The following FBXO3 variants were observed in gnomAD, a reference collection of about 807,000 sequenced individuals.
FBXO3 encodes the protein F-box only protein 3.
Under a neutral mutation model 64.8 loss-of-function variants are expected in FBXO3, and 17 were observed. That is an observed-to-expected ratio of 0.26 (90% CI 0.18 to 0.39). The LOEUF (loss-of-function observed/expected upper bound fraction) is 0.39, where lower values mean the gene tolerates loss of function less well. Ranked by LOEUF, FBXO3 falls within the 10% of genes least tolerant of loss-of-function variation. The pLI, the probability that FBXO3 is intolerant of heterozygous loss-of-function variation, is 1.00. For missense variants in FBXO3, 420 were observed against 589.9 expected, an observed-to-expected ratio of 0.71 and a Z score of 2.98; for synonymous variants, 182 against 201.6, an observed-to-expected ratio of 0.90 and a Z score of 0.82.
chr11:33,748,972 A>T, intron 8 of FBXO3, 80 bp from the exon 9 acceptor site: 1 of 763,654 alleles, frequency 1.3e-6, no homozygotes, highest in East Asian at 2.6e-5. Context: ...TATTCAGGCT[A>T]ATACTATGAA....
At chr11:33,761,146 A>G (rs7119840) in intron 3 of FBXO3, among the ~76,000 whole-genome samples, 43,510 of 152,048 alleles carry the variant, frequency 0.29, 6,612 homozygotes, top group African/African-American at 0.38. Context: ...ATCACTAAAA[A>G]AAGAAAGGAG....
At chr11:33,752,204 A>C (rs1854978539) in intron 6 of FBXO3, among the ~76,000 whole-genome samples, 1 of 152,214 alleles carries the variant, frequency 6.6e-6, no homozygotes, top group Non-Finnish European at 1.5e-5. Context: ...TGACCAGCTC[A>C]AAGCAGAAAA....
At chr11:33,747,001 C>T (rs2133593677) in intron 10 of FBXO3, 129 bp downstream of exon 10, 1 of 1,498,486 alleles carries the variant, frequency 6.7e-7, no homozygotes, top group Non-Finnish European at 8.8e-7. Flanking sequence ...ACATGACCCC[C>T]AAGATACTTT....
intron 3 of FBXO3, among the ~76,000 whole-genome samples, chr11:33,765,588 T>C (rs1185389166): frequency 1.3e-5 from 2 of 152,218 alleles, no homozygotes; most frequent in Non-Finnish European, 2.9e-5. Flanking sequence ...CTAGAGTTAA[T>C]CTTTGCTCTA....
rs1222867547 is a variant in FBXO3, at chr11:33,766,247, T to C, written c.358+2604A>G. On this transcript the variant is annotated intron_variant, in intron 3 of 10. Coordinates refer to ENST00000265651, the MANE Select transcript of FBXO3 (RefSeq NM_012175.4). The stretch of plus-strand genomic sequence containing the variant: ...CCAAGAAGCCTAGATTAGAGTTGTA[T>C]CTTGGTCACTAGTTTGATACCTTGC... Among the ~76,000 whole-genome samples, 3 of 152,234 alleles carry C rather than the reference T, an allele frequency of 2.0e-5. No individual in the cohort carries two copies. In the East Asian group the frequency reaches 5.8e-4, roughly 29 times the overall value.
chr11:33,745,634 G>T (rs535439082), intron 10 of FBXO3: 21 of 152,064 alleles, frequency 1.4e-4, no homozygotes, highest in Non-Finnish European at 2.6e-4. Flanking sequence ...TGAACTACGC[G>T]TTCATGAAAA....
At chr11:33,767,523 T>C (rs1172969424) in intron 3 of FBXO3, 1 of 152,232 alleles carries the variant, frequency 6.6e-6, no homozygotes, top group Non-Finnish European at 1.5e-5. Context: ...ATGGTCTCGA[T>C]CTCCTGACCT....
chr11:33,774,072 C>A, intron 1 of FBXO3: 1 of 297,690 alleles, frequency 3.4e-6, no homozygotes. Flanking sequence ...GCGGGGCCAG[C>A]GGGGGTCCGC....
intron 6 of FBXO3, among the ~76,000 whole-genome samples, chr11:33,752,728 AT>A (rs1270693705): frequency 6.6e-6 from 1 of 152,220 alleles, no homozygotes; most frequent in East Asian, 1.9e-4. Flanking sequence ...AGTTATATAA[AT>A]AATGTCATTA....
intron 10 of FBXO3, chr11:33,746,319 C>G: frequency 4.1e-6 from 1 of 246,330 alleles, no homozygotes; most frequent in East Asian, 7.3e-5. Flanking sequence ...ATCTTCACTT[C>G]CAAACGCACA....
At position 33,743,147 on chromosome 11, in the gene FBXO3, C is replaced by G. The variant is rs1854728971; in HGVS notation, c.1240-1063G>C. On this transcript the variant is annotated intron_variant, in intron 10 of 10. Coordinates refer to ENST00000265651, the MANE Select transcript of FBXO3 (RefSeq NM_012175.4). The surrounding 1 kb of genome is among the most constrained non-coding windows in gnomAD (Gnocchi z 4.6). ...AGACACATGTCCCAGGAGAGAAAGACAGAACCCTAGGCTGAAGGAATATTA... is the reference window on the plus strand; with the variant it reads ...AGACACATGTCCCAGGAGAGAAAGAGAGAACCCTAGGCTGAAGGAATATTA... 2 of 152,336 alleles carry G rather than the reference C, an allele frequency of 1.3e-5. No homozygotes were observed. Among genetic ancestry groups the G allele is most frequent in the South Asian group, 2.1e-4 (1 of 4,834 alleles). 9.4% of individuals were successfully genotyped at this position (152,336 alleles called of 1,614,324 possible).
chr11:33,768,763 T>C (rs1855436704), intron 3 of FBXO3, 88 bp downstream of exon 3: 1 of 1,487,222 alleles, frequency 6.7e-7, no homozygotes, highest in Admixed American at 1.7e-5. Flanking sequence ...CACAGTTGCG[T>C]AGATGACAGA....
chr11:33,750,962 CT>C (rs1190694107), intron 7 of FBXO3, among the ~76,000 whole-genome samples: 1 of 152,054 alleles, frequency 6.6e-6, no homozygotes, highest in Non-Finnish European at 1.5e-5. Context: ...GCTAAGGAAA[CT>C]TTTGGGACAT....
intron 9 of FBXO3, among the ~76,000 whole-genome samples, chr11:33,748,382 A>G (rs551487680): frequency 6.6e-6 from 1 of 152,206 alleles, no homozygotes; most frequent in Non-Finnish European, 1.5e-5. Flanking sequence ...TCAGATAATC[A>G]TAATCTTTAA....
chr11:33,764,487 T>C (rs1855318562), intron 3 of FBXO3, among the ~76,000 whole-genome samples: 1 of 152,046 alleles, frequency 6.6e-6, no homozygotes, highest in South Asian at 2.1e-4. Flanking sequence ...CTTAAAACCA[T>C]TAGTGACAGC....
chr11:33,770,408 G>C (rs1855482881), intron 2 of FBXO3, among the ~76,000 whole-genome samples: 1 of 152,210 alleles, frequency 6.6e-6, no homozygotes, highest in African/African-American at 2.4e-5. Context: ...GTTAATAAGT[G>C]TGGGACAGCC....
intron 3 of FBXO3, among the ~76,000 whole-genome samples, chr11:33,765,959 T>C (rs983688787): frequency 5.3e-5 from 8 of 152,300 alleles, no homozygotes; most frequent in Admixed American, 5.2e-4. Flanking sequence ...TTAAACCTCT[T>C]GTCTTATAAA....
intron 3 of FBXO3, among the ~76,000 whole-genome samples, chr11:33,760,941 G>A (rs1397770084): frequency 6.6e-6 from 1 of 152,112 alleles, no homozygotes; most frequent in Non-Finnish European, 1.5e-5. Context: ...TATTGAATAT[G>A]TAAAATAAGA....
intron 3 of FBXO3, among the ~76,000 whole-genome samples, chr11:33,767,127 T>A (rs1855392145): frequency 6.6e-6 from 1 of 152,164 alleles, no homozygotes; most frequent in Admixed American, 6.5e-5. Flanking sequence ...AATGTCCTAA[T>A]ATTTAAACTA....
Sources: allele counts gnomAD v4.1 joint callset (sites outside exome capture counted in the v4.1 genomes callset), GRCh38; gene constraint gnomAD v4.1.1; non-coding constraint Gnocchi (gnomAD v3.1); transcripts MANE v1.5; gene names NCBI Gene and HGNC (gene_info 2026-07-23, HGNC 2026-07-21).